Variants in ST6GAL1 observed in about 807,000 individuals in gnomAD.
ST6GAL1 encodes the protein beta-galactoside alpha-2,6-sialyltransferase 1.
A neutral mutation model predicts 38.0 loss-of-function variants in ST6GAL1; 20 were observed. That is an observed-to-expected ratio of 0.53 (90% confidence interval 0.37 to 0.77). The LOEUF (loss-of-function observed/expected upper bound fraction) is 0.77. Among genes scored for constraint, ST6GAL1 ranks in the 30% least tolerant of loss-of-function variants. ST6GAL1 has a pLI of 0.00. For synonymous variants in ST6GAL1, 196 were observed against 188.2 expected (o/e 1.04, Z -0.34); for missense variants, 432 against 496.4 (o/e 0.87, Z 1.23).
chr3:187,015,841 GAA>G (rs563183101), intron 2 of ST6GAL1, among the ~76,000 whole-genome samples: 1 of 150,204 alleles, frequency 6.7e-6, no homozygotes, highest in African/African-American at 2.4e-5. Context: ...CTTGTCTCAG[GAA>G]AAAAAAATAA....
intron 5 of ST6GAL1, among the ~76,000 whole-genome samples, chr3:187,070,048 C>T (rs1177998807): frequency 1.3e-5 from 2 of 152,160 alleles, no homozygotes; most frequent in African/African-American, 2.4e-5. Flanking sequence ...CCAGCCATCA[C>T]ATCCACATTT....
At chr3:187,071,336 C>T (rs1407399573) in intron 5 of ST6GAL1, among the ~76,000 whole-genome samples, 1 of 152,214 alleles carries the variant, frequency 6.6e-6, no homozygotes, top group African/African-American at 2.4e-5. Context: ...TGGCTCCCTT[C>T]ATTCTTAAGC....
intron 2 of ST6GAL1, among the ~76,000 whole-genome samples, chr3:187,037,348 T>C (rs926771742): frequency 2.0e-5 from 3 of 152,210 alleles, no homozygotes; most frequent in African/African-American, 7.2e-5. Flanking sequence ...AATTGTGCTT[T>C]TTATTTTGTG....
At chr3:186,943,309 G>A (rs2108516484) in intron 1 of ST6GAL1, among the ~76,000 whole-genome samples, 1 of 152,268 alleles carries the variant, frequency 6.6e-6, no homozygotes, top group Admixed American at 6.5e-5. Flanking sequence ...TATATGTCAG[G>A]GAAACACTAG....
At chr3:186,955,501 T>C (rs1023589731) in intron 1 of ST6GAL1, among the ~76,000 whole-genome samples, 8 of 151,328 alleles carry the variant, frequency 5.3e-5, no homozygotes, top group African/African-American at 1.9e-4. Flanking sequence ...TGTCTTCTCT[T>C]TTTTTTTTCT....
intron 1 of ST6GAL1, among the ~76,000 whole-genome samples, chr3:186,937,037 C>A (rs35176351): frequency 0.62 from 92,346 of 149,376 alleles, 28,617 homozygotes; most frequent in African/African-American, 0.67. Flanking sequence ...AAAAATTCCG[C>A]TATCCAAAGG....
At chr3:186,995,585 T>TATA (rs1395157901) in intron 2 of ST6GAL1, among the ~76,000 whole-genome samples, 2 of 151,828 alleles carry the variant, frequency 1.3e-5, no homozygotes, top group African/African-American at 4.8e-5. Flanking sequence ...GGCTCACTCC[T>TATA]GTAATCCTAG....
intron 3 of ST6GAL1, among the ~76,000 whole-genome samples, chr3:187,041,639 C>G (rs1718127485): frequency 1.3e-5 from 2 of 152,340 alleles, no homozygotes; most frequent in African/African-American, 2.4e-5. Flanking sequence ...GTTATGGAAT[C>G]AAATCCACTT....
chr3:187,032,194 G>A (rs1384152978), intron 2 of ST6GAL1, among the ~76,000 whole-genome samples: 2 of 152,172 alleles, frequency 1.3e-5, no homozygotes, highest in African/African-American at 2.4e-5. Context: ...AATGGAGAGT[G>A]ATTTTTATCT....
chr3:186,946,854 G>T (rs904254043), intron 1 of ST6GAL1, among the ~76,000 whole-genome samples: 2 of 152,166 alleles, frequency 1.3e-5, no homozygotes, highest in Admixed American at 6.6e-5. Flanking sequence ...TGAACACTGT[G>T]GGGGATTTGA....
chr3:186,971,574 C>G (rs1047548976), intron 2 of ST6GAL1, among the ~76,000 whole-genome samples: 2 of 152,194 alleles, frequency 1.3e-5, no homozygotes, highest in Non-Finnish European at 2.9e-5. Flanking sequence ...TGACAAACCC[C>G]CTCCCATCAT....
intron 5 of ST6GAL1, among the ~76,000 whole-genome samples, chr3:187,058,736 G>A (rs757794366): frequency 9.2e-5 from 14 of 151,802 alleles, no homozygotes; most frequent in Non-Finnish European, 1.9e-4. Context: ...CCTTTTCCTG[G>A]GTTCAAGCGA....
intron 2 of ST6GAL1, among the ~76,000 whole-genome samples, chr3:186,997,096 CA>C (rs1330568680): frequency 1.3e-5 from 2 of 151,912 alleles, no homozygotes; most frequent in Non-Finnish European, 2.9e-5. Context: ...AGACATGAGA[CA>C]TGGAAAATAG....
At chr3:186,991,690 C>G (rs1451280809) in intron 2 of ST6GAL1, among the ~76,000 whole-genome samples, 1 of 152,088 alleles carries the variant, frequency 6.6e-6, no homozygotes, top group African/African-American at 2.4e-5. Flanking sequence ...GTGGGTGATT[C>G]ACCGGCTGGC....
intron 1 of ST6GAL1, among the ~76,000 whole-genome samples, chr3:186,951,423 T>G (rs1166477064): frequency 1.3e-5 from 2 of 152,200 alleles, no homozygotes; most frequent in African/African-American, 4.8e-5. Context: ...ATTTTGTTGG[T>G]CCATTGGTTC....
intron 2 of ST6GAL1, among the ~76,000 whole-genome samples, chr3:186,988,806 A>G (rs1419384521): frequency 6.6e-6 from 1 of 151,986 alleles, no homozygotes; most frequent in African/African-American, 2.4e-5. Flanking sequence ...CCCAGCTACT[A>G]GGGAGGCTAA....
At chr3:186,980,790 A>G (rs1307957383) in intron 2 of ST6GAL1, among the ~76,000 whole-genome samples, 1 of 150,568 alleles carries the variant, frequency 6.6e-6, no homozygotes, top group Non-Finnish European at 1.5e-5. Context: ...AAAAGATAGA[A>G]GTCAAGGGGA....
chr3:186,983,552 T>C (rs1715763577), intron 2 of ST6GAL1, among the ~76,000 whole-genome samples: 2 of 151,794 alleles, frequency 1.3e-5, no homozygotes, highest in Admixed American at 1.3e-4. Flanking sequence ...ATGAGTTGAA[T>C]ATGAGGTGAG....
chr3:186,938,721 A>C (rs1022962559), intron 1 of ST6GAL1, among the ~76,000 whole-genome samples: 1 of 152,248 alleles, frequency 6.6e-6, no homozygotes, highest in Admixed American at 6.5e-5. Flanking sequence ...AATTTCAAAC[A>C]TACAAAAGCA....
Sources: allele counts gnomAD v4.1 joint callset (sites outside exome capture counted in the v4.1 genomes callset), GRCh38; gene constraint gnomAD v4.1.1; transcripts MANE v1.5; gene names NCBI Gene and HGNC (gene_info 2026-07-23, HGNC 2026-07-21).